The following FCRLA variants were observed in gnomAD, a reference collection of about 807,000 sequenced individuals.
FCRLA encodes the protein Fc receptor like A, also known as Fc receptor-like A.
FCRLA carries 26 observed loss-of-function variants against 28.4 expected under a neutral mutation model. The ratio of observed to expected loss-of-function variants is 0.91; its 90% CI spans 0.67 to 1.27. FCRLA has a LOEUF of 1.27. Among genes scored for constraint, FCRLA ranks in the 50% most tolerant of loss-of-function variants. The pLI, the probability that FCRLA is intolerant of heterozygous loss-of-function variation, is 0.00. For missense variants in FCRLA, 422 were observed against 433.1 expected, an observed-to-expected ratio of 0.97 and a Z score of 0.23; for synonymous variants, 174 against 168.5, an observed-to-expected ratio of 1.03 and a Z score of -0.25.
chr1:161,707,436 C>A, intron 1 of FCRLA, 93 bp downstream of exon 1: 1 of 1,380,186 alleles, frequency 7.2e-7, no homozygotes, highest in Non-Finnish European at 9.7e-7. Context: ...CTAATTCTGG[C>A]CCTCCAAAGA....
intron 4 of FCRLA, 108 bp from the exon 5 acceptor site, chr1:161,712,977 T>G: frequency 7.8e-7 from 1 of 1,288,728 alleles, no homozygotes; most frequent in Non-Finnish European, 1.1e-6. Flanking sequence ...CCTGCTGCCA[T>G]TGGGCCCCAC....
In FCRLA at chr1:161,712,069, A is replaced by T; in HGVS notation, c.635A>T (p.Asp212Val). Residue 212 changes from aspartate to valine, a missense_variant, in exon 4 of 5, where the codon GAT becomes GTT. Asp to Val is a radical substitution (Grantham distance 152). Around this residue, in one of 3 missense-constraint regions of FCRLA, gnomAD observed 185 missense variants for 198.1 expected, o/e 0.93. Coordinates refer to ENST00000236938, the MANE Select transcript of FCRLA (RefSeq NM_032738.4). ...AARLLFSFYKDGRIVQSRGLS... is the reference protein window; with the variant it reads ...AARLLFSFYKVGRIVQSRGLS... ...CGCCTCCTCTTCTCCTTCTACAAGG[A>T]TGGAAGGATAGTGCAAAGCAGGGGG... The T allele has an allele frequency of 6.2e-7, 1 of 1,614,128 alleles. No individual in the cohort carries two copies. The highest frequency in any genetic ancestry group is 1.6e-4 in the Middle Eastern group (1 of 6,062).
At chr1:161,707,892 C>G (rs1475299916) in intron 1 of FCRLA, among the ~76,000 whole-genome samples, 2 of 152,148 alleles carry the variant, frequency 1.3e-5, no homozygotes, top group Non-Finnish European at 2.9e-5. Context: ...CCCTTAATAG[C>G]TTCTCTTCTC....
intron 3 of FCRLA, 111 bp from the exon 4 acceptor site, chr1:161,711,823 C>A: frequency 2.3e-6 from 3 of 1,297,812 alleles, no homozygotes; most frequent in South Asian, 1.4e-5. Flanking sequence ...AGAGCCCATT[C>A]CTGCTGGAAA....
intron 1 of FCRLA, among the ~76,000 whole-genome samples, chr1:161,709,211 T>C (rs1377612897): frequency 1.3e-5 from 2 of 152,188 alleles, no homozygotes; most frequent in Non-Finnish European, 2.9e-5. Context: ...CACTGCAACC[T>C]TGACCTCTTG....
At chr1:161,711,656 C>A in intron 3 of FCRLA, 182 bp downstream of exon 3, 1 of 801,150 alleles carries the variant, frequency 1.2e-6, no homozygotes, top group Non-Finnish European at 1.9e-6. Flanking sequence ...TCATCCAGCC[C>A]CACTCAGAGT....
At position 161,713,344 on chromosome 1, in the gene FCRLA, C is replaced by T. The variant is rs774179777; in HGVS notation, c.1044C>T (p.His348=). 6.2e-7 allele frequency: 1 copy of T among 1,614,034 alleles called. No homozygotes were observed. The highest frequency in any genetic ancestry group is 1.3e-5 in the African/African-American group (1 of 74,908). The part of the protein sequence containing the change: ...LLMELRELSG[H]RKPGTTKATA... ...TGGAGTTGAGGGAATTATCTGGCCA[C>T]CGGAAGCCTGGGACCACAAAGGCTA... The change falls in exon 5 of 5, where the codon CAC becomes CAT. Residue 348 remains histidine (H), a synonymous_variant. Coordinates refer to ENST00000236938, the MANE Select transcript of FCRLA (RefSeq NM_032738.4).
intron 3 of FCRLA, 68 bp downstream of exon 3, chr1:161,711,542 T>C: frequency 6.5e-7 from 1 of 1,535,210 alleles, no homozygotes; most frequent in Non-Finnish European, 8.8e-7. Context: ...CAAATTGTCT[T>C]TCTTTAGCCT....
In FCRLA at chr1:161,713,205, A is replaced by G. The variant is rs952551305; in HGVS notation, c.905A>G (p.Glu302Gly). 6.2e-7 allele frequency: 1 copy of G among 1,614,088 alleles called. No homozygotes were observed. Among genetic ancestry groups the G allele is most frequent in the African/African-American group, 1.3e-5 (1 of 74,936 alleles). ...CCTCCGCCGCCAACCCCATCTTCTG[A>G]GGATCCAGGCTTTTCTTCTCCTCTG... ...PLPPPPTPSS[E>G]DPGFSSPLGM... Residue 302 changes from glutamate (E) to glycine (G), a missense_variant, in exon 5 of 5, where the codon GAG (glutamate) becomes GGG (glycine). Coordinates refer to ENST00000236938, the MANE Select transcript of FCRLA (RefSeq NM_032738.4).
chr1:161,713,599 G>A lies in FCRLA; in HGVS notation c.*219G>A. ...TCTCTTAACACAACAGAATTCTGCT[G>A]TCTAGATCAGGAATTTCTATCTGTT... On this transcript the variant is annotated 3_prime_UTR_variant, in exon 5 of 5. Transcript: ENST00000236938. The A allele has an allele frequency of 2.1e-6, 1 of 478,080 alleles. No individual in the cohort carries two copies. The highest frequency in any genetic ancestry group is 3.7e-6 in the Non-Finnish European group (1 of 271,448). 29.6% of individuals were successfully genotyped at this position (478,080 alleles called of 1,614,324 possible).
At chr1:161,710,369 G>C (rs151210623) in intron 1 of FCRLA, 17,034 of 1,047,650 alleles carry the variant, frequency 0.016, 196 homozygotes, top group Non-Finnish European at 0.019. Flanking sequence ...TGCTAGCAGG[G>C]TCTGGCACCC....
rs74128603 is a variant in FCRLA at position 161,710,732 on chromosome 1, G to C, written c.80-28G>C. The C allele has an allele frequency of 5.4e-3, 8,723 of 1,613,924 alleles. 341 individuals are homozygous for C. In the African/African-American group the frequency reaches 0.094, roughly 17 times the overall value. On this transcript the variant is annotated intron_variant, in intron 1 of 4. Coordinates refer to ENST00000236938, the MANE Select transcript of FCRLA (RefSeq NM_032738.4). Reference sequence around the variant, plus strand: ...TCTCCAAGTTGCATCATCATTTTCTGGTTCTCCCTGGGCCATGCCCTCTTC... The same window carrying C: ...TCTCCAAGTTGCATCATCATTTTCTCGTTCTCCCTGGGCCATGCCCTCTTC...
At position 161,710,871 on chromosome 1, in the gene FCRLA, C is replaced by T; in HGVS notation, c.191C>T (p.Ala64Val). 6.2e-7 allele frequency: 1 copy of T among 1,613,670 alleles called. No homozygotes were observed. Among genetic ancestry groups the T allele is most frequent in the Non-Finnish European group, 8.5e-7 (1 of 1,180,030 alleles). ...AGGGAAGCTGGCTTCCAGGTCAAGG[C>T]CTACACTTTCAGTGAACCCTTCCAC... ...DAREAGFQVK[A>V]YTFSEPFHLI... Residue 64 changes from alanine to valine, a missense_variant, in exon 2 of 5, where the codon GCC becomes GTC. This residue lies in a region of FCRLA where 231 missense variants were observed against 214.6 expected (regional missense o/e 1.08). Transcript: ENST00000236938.
intron 1 of FCRLA, 103 bp from the exon 2 acceptor site, chr1:161,710,657 C>T (rs1683049483): frequency 2.0e-6 from 3 of 1,499,842 alleles, no homozygotes; most frequent in Admixed American, 3.5e-5. Flanking sequence ...TTACTAGTCT[C>T]ATTCTAAAAA....
intron 1 of FCRLA, among the ~76,000 whole-genome samples, chr1:161,708,007 CA>C (rs2101650274): frequency 6.6e-6 from 1 of 152,208 alleles, no homozygotes; most frequent in Non-Finnish European, 1.5e-5. Context: ...TAATTTTTGC[CA>C]CTATAACTCT....
chr1:161,709,463 A>G (rs971945676), intron 1 of FCRLA, among the ~76,000 whole-genome samples: 2 of 152,168 alleles, frequency 1.3e-5, no homozygotes, highest in African/African-American at 4.8e-5. Context: ...AAAAATGGAG[A>G]GGAGGCAGAG....
At chr1:161,711,679 C>G in intron 3 of FCRLA, 1 of 742,578 alleles carries the variant, frequency 1.3e-6, no homozygotes, top group South Asian at 1.8e-5. Context: ...AGCATAGTTC[C>G]TACCACCCAG....
intron 1 of FCRLA, among the ~76,000 whole-genome samples, chr1:161,709,452 A>G (rs898427498): frequency 9.2e-5 from 14 of 152,186 alleles, no homozygotes; most frequent in Non-Finnish European, 1.5e-4. Context: ...TTTTAAAAAG[A>G]AAAAATGGAG....
chr1:161,711,148 C>A, intron 2 of FCRLA, 60 bp from the exon 3 acceptor site: 4 of 1,559,968 alleles, frequency 2.6e-6, no homozygotes, highest in Non-Finnish European at 2.6e-6. Context: ...AGTAGGCATG[C>A]TTGGGGGTGG....
Sources: gnomAD v4.1 joint callset for allele counts (sites outside exome capture counted in the v4.1 genomes callset) on GRCh38, gnomAD v4.1.1 for gene constraint, gnomAD v4.1.1 regional missense constraint, MANE v1.5 for transcripts, NCBI Gene and HGNC (gene_info 2026-07-23, HGNC 2026-07-21) for gene names.